Variants in FMN1 observed in about 807,000 individuals in gnomAD.
FMN1 encodes formin-1.
FMN1 carries 110 observed loss-of-function variants against 132.4 expected under a neutral mutation model. That is an observed-to-expected ratio of 0.83 (90% CI 0.71 to 0.97). The LOEUF is 0.97. FMN1 is among the 50% of genes least tolerant of loss of function. The probability of loss-of-function intolerance (pLI) is 0.00; values close to 1 mark genes in which losing one functional copy is unlikely to be tolerated. For missense variants in FMN1, 1,792 were observed against 1,705.3 expected (o/e 1.05, Z -0.90); for synonymous variants, 722 against 651.7 (o/e 1.11, Z -1.64).
chr15:32,959,661 A>G (rs952797376), intron 9 of FMN1, among the ~76,000 whole-genome samples: 1 of 152,222 alleles, frequency 6.6e-6, no homozygotes, highest in African/African-American at 2.4e-5. Flanking sequence ...TTTCCCCCTC[A>G]GACAGAGAAA....
chr15:32,981,509 C>T (rs1054289473), intron 7 of FMN1, among the ~76,000 whole-genome samples: 24 of 142,348 alleles, frequency 1.7e-4, no homozygotes, highest in Admixed American at 2.9e-4. Context: ...CAGAGCAAGA[C>T]TCCATCTCAA....
At chr15:32,956,192 TG>T (rs2061763969) in intron 9 of FMN1, among the ~76,000 whole-genome samples, 3 of 152,168 alleles carry the variant, frequency 2.0e-5, no homozygotes, top group Non-Finnish European at 4.4e-5. Context: ...TCTTGTGGTG[TG>T]GGGTAGGAAA....
chr15:32,968,930 G>C lies in FMN1; in HGVS notation c.2771C>G (p.Pro924Arg). ...GTTAGGAAGTGGGGGTGGGGGTGGG[G>C]GTGGTGGAGGTCCAGCACTTGAAGG... is the stretch of plus-strand genomic sequence containing the variant. ...PPPSSAGPPP[P>R]PPPPPLPNSP... Residue 924 changes from proline to arginine, a missense_variant, in exon 8 of 21, where the codon CCC becomes CGC. Pro to Arg is a moderately radical substitution (Grantham distance 103). This residue lies in a region of FMN1 where 1,150 missense variants were observed against 1,043.1 expected (regional missense o/e 1.10). Coordinates refer to ENST00000616417, the MANE Select transcript of FMN1 (RefSeq NM_001277313.2). 1 of 672,370 alleles carries C rather than the reference G, an allele frequency of 1.5e-6. No homozygotes were observed. Among genetic ancestry groups the C allele is most frequent in the Non-Finnish European group, 2.5e-6 (1 of 403,910 alleles). 41.7% of individuals were successfully genotyped at this position (672,370 alleles called of 1,614,324 possible).
intron 6 of FMN1, among the ~76,000 whole-genome samples, chr15:33,023,173 C>T (rs969080629): frequency 1.3e-5 from 2 of 149,704 alleles, no homozygotes; most frequent in Non-Finnish European, 3.0e-5. Context: ...GAACCCAATA[C>T]GCTATTATAA....
rs368602825 is a variant in FMN1, at chr15:32,798,841, T to C, written c.4093A>G (p.Ile1365Val). Residue 1365 changes from isoleucine (I) to valine (V), a missense_variant, in exon 19 of 21, where the codon ATT becomes GTT. Around this residue, in one of 3 missense-constraint regions of FMN1, gnomAD observed 1,150 missense variants for 1,043.1 expected, o/e 1.10. Transcript: ENST00000616417. ...ATGTTTTTACTCTCCCGTTTCCAAATTGTCTTGAAGTCACTGCAGAACTCA... is the reference window on the plus strand; with the variant it reads ...ATGTTTTTACTCTCCCGTTTCCAAACTGTCTTGAAGTCACTGCAGAACTCA... Reference protein sequence around the residue: ...WYEFCSDFKTIWKRESKNISK... With the variant: ...WYEFCSDFKTVWKRESKNISK... The C allele has an allele frequency of 8.1e-6, 13 of 1,613,466 alleles. No individual in the cohort carries two copies. The African/African-American group carries it at 1.6e-4, about 20-fold the overall frequency.
At chr15:32,992,555 A>G (rs575475055) in intron 7 of FMN1, among the ~76,000 whole-genome samples, 23 of 152,350 alleles carry the variant, frequency 1.5e-4, no homozygotes, top group African/African-American at 5.5e-4. Flanking sequence ...TACAAACTTA[A>G]GAAAAAGGAC....
chr15:33,093,164 A>G (rs140469269), intron 4 of FMN1, among the ~76,000 whole-genome samples: 3,039 of 152,316 alleles, frequency 0.02, 60 homozygotes, highest in South Asian at 0.091. Context: ...CTTGACAGCA[A>G]TGACGAAGTG....
At chr15:32,778,875 A>G (rs930832166) in intron 19 of FMN1, among the ~76,000 whole-genome samples, 1 of 152,186 alleles carries the variant, frequency 6.6e-6, no homozygotes, top group African/African-American at 2.4e-5. Context: ...ATGAATGTTT[A>G]TAGAACCACT....
intron 4 of FMN1, among the ~76,000 whole-genome samples, chr15:33,144,094 G>C (rs761151682): frequency 6.6e-6 from 1 of 152,310 alleles, no homozygotes; most frequent in African/African-American, 2.4e-5. Flanking sequence ...GAGGAAGAAA[G>C]GGGACCTTTG....
chr15:32,961,368 A>G (rs932936033), intron 9 of FMN1, among the ~76,000 whole-genome samples: 1 of 152,042 alleles, frequency 6.6e-6, no homozygotes, highest in Non-Finnish European at 1.5e-5. Flanking sequence ...TCCTGACCTC[A>G]GCTGATTCAC....
chr15:32,882,519 T>C (rs1009974672), intron 16 of FMN1, among the ~76,000 whole-genome samples: 3 of 152,194 alleles, frequency 2.0e-5, no homozygotes, highest in Admixed American at 1.3e-4. Flanking sequence ...TCTACACTGG[T>C]AGGGAGGAGA....
intron 15 of FMN1, among the ~76,000 whole-genome samples, chr15:32,891,376 C>T (rs1056585749): frequency 6.6e-6 from 1 of 152,240 alleles, no homozygotes; most frequent in East Asian, 1.9e-4. Context: ...GCCTCCCAAG[C>T]AGCTGGGACC....
At chr15:32,927,328 C>T (rs1283417828) in intron 9 of FMN1, among the ~76,000 whole-genome samples, 1 of 152,174 alleles carries the variant, frequency 6.6e-6, no homozygotes, top group Non-Finnish European at 1.5e-5. Context: ...GCAATCACAG[C>T]TCACTGTAAT....
rs2059561207 is a variant in FMN1, at chr15:32,873,364, C to T, written c.3835+14808G>A. 3.9e-5 allele frequency among the ~76,000 whole-genome samples: 6 copies of T among 152,302 alleles called. 1 individual carries two copies. In the South Asian group the frequency reaches 1.2e-3, roughly 32 times the overall value. On this transcript the variant is annotated intron_variant, in intron 16 of 20. Coordinates refer to ENST00000616417, the MANE Select transcript of FMN1 (RefSeq NM_001277313.2). ...GGTAACAAAGTGGCCAATAGTCTCG[C>T]TTGCTGGACGCCGTTAGTGGTATTA...
intron 4 of FMN1, among the ~76,000 whole-genome samples, chr15:33,129,277 G>A (rs530060659): frequency 1.2e-4 from 18 of 152,278 alleles, no homozygotes; most frequent in African/African-American, 4.3e-4. Flanking sequence ...ATAAATATGT[G>A]CTTTAAATAT....
At chr15:32,935,669 C>T (rs906496979) in intron 9 of FMN1, among the ~76,000 whole-genome samples, 1 of 151,778 alleles carries the variant, frequency 6.6e-6, no homozygotes, top group Non-Finnish European at 1.5e-5. Context: ...GCTCTGTCAC[C>T]CAGGCTGGAG....
At chr15:33,002,410 A>T (rs747402371) in intron 7 of FMN1, among the ~76,000 whole-genome samples, 6 of 152,204 alleles carry the variant, frequency 3.9e-5, no homozygotes, top group Non-Finnish European at 5.9e-5. Context: ...GAAACAAAAC[A>T]GGTAGGGGTG....
chr15:33,013,298 G>A (rs1478151373), intron 6 of FMN1, among the ~76,000 whole-genome samples: 1 of 152,212 alleles, frequency 6.6e-6, no homozygotes, highest in Non-Finnish European at 1.5e-5. Context: ...TCTGTGGAAA[G>A]TATAAAGCAT....
chr15:32,862,447 T>C (rs1002961844), intron 16 of FMN1, among the ~76,000 whole-genome samples: 2 of 152,198 alleles, frequency 1.3e-5, no homozygotes, highest in Admixed American at 6.5e-5. Flanking sequence ...AACCAATACA[T>C]AGTGAAATAA....
Sources: allele counts gnomAD v4.1 joint callset (sites outside exome capture counted in the v4.1 genomes callset), GRCh38; gene constraint gnomAD v4.1.1; regional missense constraint gnomAD v4.1.1; transcripts MANE v1.5; gene names NCBI Gene and HGNC (gene_info 2026-07-23, HGNC 2026-07-21).